The following MGMT variants were observed in gnomAD, a reference collection of about 807,000 sequenced individuals.
The protein encoded by MGMT is O-6-methylguanine-DNA methyltransferase.
In MGMT, 14 loss-of-function variants were observed where a neutral mutation model predicts 15.9. The ratio of observed to expected loss-of-function variants is 0.88; its 90% CI spans 0.58 to 1.37. The LOEUF (loss-of-function observed/expected upper bound fraction) is 1.37, where lower values mean the gene tolerates loss of function less well. Ranked by LOEUF, MGMT falls within the 40% of genes most tolerant of loss-of-function variation. The pLI is 0.00. For missense variants in MGMT, 282 were observed against 268.1 expected (o/e 1.05, Z -0.36); for synonymous variants, 130 against 118.2 (o/e 1.10, Z -0.65).
At chr10:129,711,446 A>G (rs1431705426) in intron 3 of MGMT, among the ~76,000 whole-genome samples, 2 of 152,092 alleles carry the variant, frequency 1.3e-5, no homozygotes, top group African/African-American at 4.8e-5. Context: ...GGGCTGCCTC[A>G]TTGTGAGGTT....
intron 1 of MGMT, among the ~76,000 whole-genome samples, chr10:129,506,963 C>T (rs1021626973): frequency 6.6e-6 from 1 of 152,134 alleles, no homozygotes; most frequent in Non-Finnish European, 1.5e-5. Flanking sequence ...GAATAGGATC[C>T]CAGTCTTCAC....
At chr10:129,596,239 C>T (rs2133057703) in intron 2 of MGMT, among the ~76,000 whole-genome samples, 1 of 152,184 alleles carries the variant, frequency 6.6e-6, no homozygotes, top group East Asian at 1.9e-4. Flanking sequence ...TAGACTTTTC[C>T]AATTTATCTA....
At chr10:129,600,588 G>A (rs1846808998) in intron 2 of MGMT, among the ~76,000 whole-genome samples, 1 of 152,232 alleles carries the variant, frequency 6.6e-6, no homozygotes, top group African/African-American at 2.4e-5. Context: ...TGCTCATTGA[G>A]CTAGCAAGAG....
At chr10:129,687,820 T>C (rs1847923623) in intron 2 of MGMT, among the ~76,000 whole-genome samples, 1 of 151,858 alleles carries the variant, frequency 6.6e-6, no homozygotes, top group Admixed American at 6.6e-5. Context: ...TTACATTAGG[T>C]ATATCTCCTA....
chr10:129,675,585 A>G (rs11016867), intron 2 of MGMT, among the ~76,000 whole-genome samples: 43,766 of 151,966 alleles, frequency 0.29, 6,654 homozygotes, highest in East Asian at 0.57. Context: ...AGTGGCGGGA[A>G]CAACGCTTCA....
chr10:129,736,311 A>T (rs1262600180), intron 3 of MGMT, among the ~76,000 whole-genome samples: 29 of 151,722 alleles, frequency 1.9e-4, no homozygotes, highest in Non-Finnish European at 3.8e-4. Context: ...TTTACCATTA[A>T]GTAATGGCCT....
intron 2 of MGMT, among the ~76,000 whole-genome samples, chr10:129,563,172 T>C (rs1243912021): frequency 6.6e-6 from 1 of 152,208 alleles, no homozygotes; most frequent in Non-Finnish European, 1.5e-5. Flanking sequence ...TTTTTAACTT[T>C]CACTGAATGT....
chr10:129,605,796 G>A (rs1164746268), intron 2 of MGMT, among the ~76,000 whole-genome samples: 1 of 152,078 alleles, frequency 6.6e-6, no homozygotes. Flanking sequence ...GGGTTAATTC[G>A]GAATGTGTTA....
At chr10:129,653,675 T>A (rs78264686) in intron 2 of MGMT, among the ~76,000 whole-genome samples, 3 of 152,194 alleles carry the variant, frequency 2.0e-5, no homozygotes, top group Admixed American at 6.5e-5. Flanking sequence ...GATTACATCA[T>A]GTGATGGCCA....
intron 2 of MGMT, among the ~76,000 whole-genome samples, chr10:129,664,042 T>C (rs1347474071): frequency 6.6e-6 from 1 of 152,186 alleles, no homozygotes; most frequent in Non-Finnish European, 1.5e-5. Flanking sequence ...TATGGAAATA[T>C]TGATGCAGAA....
intron 1 of MGMT, among the ~76,000 whole-genome samples, chr10:129,531,743 G>A (rs902170416): frequency 1.4e-5 from 2 of 140,780 alleles, no homozygotes; most frequent in African/African-American, 5.4e-5. Flanking sequence ...CATTTCTGTG[G>A]GCCTTTGTGG....
chr10:129,594,840 C>T (rs868418005), intron 2 of MGMT, among the ~76,000 whole-genome samples: 1 of 152,208 alleles, frequency 6.6e-6, no homozygotes, highest in Non-Finnish European at 1.5e-5. Context: ...TTGTTGGTGA[C>T]GCTGACATGT....
Position 129,642,210 on chromosome 10 carries a change from TGGGC to T in MGMT, c.126-65671_126-65668del, listed in dbSNP as rs545069643. ...GAGGTTCCTCACACAACCCCGCACCTGGGCGGGCGGGCGGGCGTAGGGGGCATAA... is the reference window on the plus strand; with the variant it reads ...GAGGTTCCTCACACAACCCCGCACCTGGGCGGGCGGGCGTAGGGGGCATAA... On this transcript the variant is annotated intron_variant, in intron 2 of 4. Transcript: ENST00000651593. 1.4e-3 allele frequency among the ~76,000 whole-genome samples: 205 copies of T among 150,834 alleles called. 1 individual carries two copies. The highest frequency in any genetic ancestry group is 4.8e-3 in the African/African-American group (197 of 41,358).
At chr10:129,622,524 TCA>T (rs2133076519) in intron 2 of MGMT, among the ~76,000 whole-genome samples, 1 of 152,368 alleles carries the variant, frequency 6.6e-6, no homozygotes, top group Admixed American at 6.5e-5. Context: ...CAGTATGACT[TCA>T]CATAGGTGAG....
intron 2 of MGMT, among the ~76,000 whole-genome samples, chr10:129,702,476 G>A (rs540294907): frequency 3.9e-5 from 6 of 152,346 alleles, no homozygotes; most frequent in Admixed American, 6.5e-5. Context: ...GGGGAGGTGC[G>A]ACTCTGATGG....
chr10:129,479,542 T>C (rs1200669864), intron 1 of MGMT, among the ~76,000 whole-genome samples: 2 of 152,224 alleles, frequency 1.3e-5, no homozygotes, highest in Non-Finnish European at 2.9e-5. Context: ...TGGATCCTTA[T>C]GAGAACGTCT....
At chr10:129,607,505 C>T (rs1010037310) in intron 2 of MGMT, among the ~76,000 whole-genome samples, 1 of 152,162 alleles carries the variant, frequency 6.6e-6, no homozygotes, top group Non-Finnish European at 1.5e-5. Flanking sequence ...TGCAGAGTAA[C>T]TTGTGTGTAA....
At position 129,768,315 on chromosome 10, in the gene MGMT, A is replaced by G. The variant is rs1848961987; in HGVS notation, c.*1318A>G. Among the ~76,000 whole-genome samples, 1 of 152,254 alleles carries G rather than the reference A, an allele frequency of 6.6e-6. No individual in the cohort carries two copies. Among genetic ancestry groups the G allele is most frequent in the African/African-American group, 2.4e-5 (1 of 41,458 alleles). On this transcript the variant is annotated 3_prime_UTR_variant, in exon 5 of 5. Transcript: ENST00000651593. ...CCAAAATCTCGGTTTTTCCTATGAC[A>G]TGAAGTGATGTGACTCTTACCCCGT...
intron 2 of MGMT, among the ~76,000 whole-genome samples, chr10:129,688,571 C>T: frequency 6.6e-6 from 1 of 152,006 alleles, no homozygotes; most frequent in East Asian, 1.9e-4. Flanking sequence ...TGTTTAAATT[C>T]TTTGTAGATC....
Sources: gnomAD v4.1 joint callset for allele counts (sites outside exome capture counted in the v4.1 genomes callset) on GRCh38, gnomAD v4.1.1 for gene constraint, MANE v1.5 for transcripts, NCBI Gene and HGNC (gene_info 2026-07-23, HGNC 2026-07-21) for gene names.